EXOC6B: variants seen among roughly 807,000 people sequenced by gnomAD.
EXOC6B encodes SEC15 homolog B.
Under a neutral mutation model 113.5 loss-of-function variants are expected in EXOC6B, and 54 were observed. The ratio of observed to expected loss-of-function variants is 0.48; its 90% CI spans 0.38 to 0.60. The LOEUF (loss-of-function observed/expected upper bound fraction) is 0.60. EXOC6B is among the 20% of genes least tolerant of loss of function. The pLI, the probability that EXOC6B is intolerant of heterozygous loss-of-function variation, is 0.00. For synonymous variants in EXOC6B, 357 were observed against 339.0 expected, an observed-to-expected ratio of 1.05 and a Z score of -0.58; for missense variants, 797 against 977.5, an observed-to-expected ratio of 0.82 and a Z score of 2.46.
intron 6 of EXOC6B, among the ~76,000 whole-genome samples, chr2:72,691,535 T>C (rs1295906134): frequency 6.6e-6 from 1 of 152,128 alleles, no homozygotes; most frequent in Admixed American, 6.5e-5. Context: ...TAATCAATAA[T>C]ATTTTATAAA....
chr2:72,401,579 A>ATG (rs1297885671), intron 18 of EXOC6B, among the ~76,000 whole-genome samples: 2 of 24,608 alleles, frequency 8.1e-5, no homozygotes, highest in East Asian at 1.5e-3. Flanking sequence ...ATATATATAT[A>ATG]TACATATATA....
intron 6 of EXOC6B, among the ~76,000 whole-genome samples, chr2:72,717,330 C>A (rs1215543318): frequency 6.6e-6 from 1 of 152,118 alleles, no homozygotes; most frequent in African/African-American, 2.4e-5. Context: ...TACAAATGAT[C>A]TATTCAAGAA....
At chr2:72,361,176 A>G (rs555526589) in intron 19 of EXOC6B, among the ~76,000 whole-genome samples, 11 of 152,308 alleles carry the variant, frequency 7.2e-5, no homozygotes, top group African/African-American at 2.4e-4. Flanking sequence ...TAAATTCAGC[A>G]AAAACAGGGA....
intron 6 of EXOC6B, among the ~76,000 whole-genome samples, chr2:72,583,750 T>C (rs764038069): frequency 6.6e-6 from 1 of 152,050 alleles, no homozygotes; most frequent in Non-Finnish European, 1.5e-5. Context: ...TGATGGAGTC[T>C]TACTCTGTCA....
In EXOC6B at chr2:72,580,135, A is replaced by ATT. The variant is rs1205164863; in HGVS notation, c.670-4469_670-4468dup. On this transcript the variant is annotated intron_variant, in intron 6 of 21. Transcript: ENST00000272427. Reference sequence around the variant, plus strand: ...TCTTGCCTCTGAAAAAGAAATAAGAATTTTTTTTTTTTTTTTTTTTTTTTT... The same window carrying ATT: ...TCTTGCCTCTGAAAAAGAAATAAGAATTTTTTTTTTTTTTTTTTTTTTTTTTT... Among the ~76,000 whole-genome samples, 829 of 93,654 alleles carry ATT rather than the reference A, an allele frequency of 8.9e-3. 6 individuals are homozygous for ATT. The highest frequency in any genetic ancestry group is 0.011 in the African/African-American group (235 of 22,190). 61.4% of individuals were successfully genotyped at this position (93,654 alleles called of 152,430 possible).
intron 6 of EXOC6B, among the ~76,000 whole-genome samples, chr2:72,716,940 T>A (rs1679659164): frequency 6.6e-6 from 1 of 152,138 alleles, no homozygotes; most frequent in African/African-American, 2.4e-5. Flanking sequence ...ACTGAACCAA[T>A]CACAATAAAG....
chr2:72,449,613 A>G (rs1696797249), intron 18 of EXOC6B, among the ~76,000 whole-genome samples: 1 of 152,212 alleles, frequency 6.6e-6, no homozygotes, highest in South Asian at 2.1e-4. Flanking sequence ...AGAAAAATAC[A>G]AAAATATAAG....
At chr2:72,347,057 A>C (rs973483081) in intron 19 of EXOC6B, among the ~76,000 whole-genome samples, 2 of 152,204 alleles carry the variant, frequency 1.3e-5, no homozygotes, top group African/African-American at 4.8e-5. Flanking sequence ...ACAAATATTC[A>C]CTTTACACAT....
chr2:72,636,888 A>G (rs776879978), intron 6 of EXOC6B, among the ~76,000 whole-genome samples: 3 of 152,130 alleles, frequency 2.0e-5, no homozygotes, highest in Non-Finnish European at 4.4e-5. Context: ...CTATTTACAA[A>G]TGATATGATA....
At chr2:72,535,872 A>C in intron 8 of EXOC6B, among the ~76,000 whole-genome samples, 1 of 31,438 alleles carries the variant, frequency 3.2e-5, no homozygotes, top group South Asian at 0.017. Context: ...TTCTGTCTCA[A>C]AAAAAAAAAA....
At chr2:72,671,790 A>AGAAG (rs1558903030) in intron 6 of EXOC6B, among the ~76,000 whole-genome samples, 2 of 107,508 alleles carry the variant, frequency 1.9e-5, no homozygotes, top group African/African-American at 1.0e-4. Flanking sequence ...AAAGAAAGAA[A>AGAAG]GAAAGAAAGA....
intron 6 of EXOC6B, among the ~76,000 whole-genome samples, chr2:72,583,060 A>G (rs1230991337): frequency 2.6e-5 from 4 of 152,206 alleles, no homozygotes; most frequent in Admixed American, 2.6e-4. Context: ...TCAAAATACA[A>G]CAGAAGGTTT....
chr2:72,710,053 C>T (rs1408774093), intron 6 of EXOC6B, among the ~76,000 whole-genome samples: 1 of 151,860 alleles, frequency 6.6e-6, no homozygotes, highest in Non-Finnish European at 1.5e-5. Flanking sequence ...CAATTGGTAC[C>T]ACCACCGTGC....
At chr2:72,789,449 C>T (rs952069411) in intron 1 of EXOC6B, among the ~76,000 whole-genome samples, 2 of 152,194 alleles carry the variant, frequency 1.3e-5, no homozygotes, top group Non-Finnish European at 2.9e-5. Context: ...CTTGGAGACA[C>T]TGGCATTCTT....
intron 20 of EXOC6B, among the ~76,000 whole-genome samples, chr2:72,217,847 T>G (rs1009420099): frequency 2.6e-5 from 4 of 152,202 alleles, no homozygotes. Context: ...TGCCTCAACT[T>G]GGACAGGACC....
At chr2:72,369,235 A>T (rs1319624867) in intron 19 of EXOC6B, among the ~76,000 whole-genome samples, 2 of 152,194 alleles carry the variant, frequency 1.3e-5, no homozygotes, top group African/African-American at 4.8e-5. Flanking sequence ...ACAGAGAGCC[A>T]AATCATGAGT....
At chr2:72,184,861 T>C (rs950099892) in intron 20 of EXOC6B, among the ~76,000 whole-genome samples, 2 of 152,196 alleles carry the variant, frequency 1.3e-5, no homozygotes, top group Non-Finnish European at 1.5e-5. Context: ...ATCAGGGCCA[T>C]AGTAGATTAG....
At chr2:72,335,085 G>A (rs969696307) in intron 19 of EXOC6B, 65 bp from the exon 20 acceptor site, 82 of 1,415,766 alleles carry the variant, frequency 5.8e-5, no homozygotes, top group Admixed American at 2.0e-4. Flanking sequence ...ATTGGCAGAC[G>A]GATGACAGGG....
At chr2:72,327,248 A>G (rs1157311019) in intron 20 of EXOC6B, among the ~76,000 whole-genome samples, 2 of 152,040 alleles carry the variant, frequency 1.3e-5, no homozygotes, top group Non-Finnish European at 2.9e-5. Flanking sequence ...ATTGCTACTA[A>G]GTGGGTGTGC....
Sources: gnomAD v4.1 joint callset for allele counts (sites outside exome capture counted in the v4.1 genomes callset) on GRCh38, gnomAD v4.1.1 for gene constraint, MANE v1.5 for transcripts, NCBI Gene and HGNC (gene_info 2026-07-23, HGNC 2026-07-21) for gene names.